The following TMPRSS4 variants were observed in gnomAD, a reference collection of about 807,000 sequenced individuals.
TMPRSS4 encodes transmembrane protease serine 4.
TMPRSS4 carries 45 observed loss-of-function variants against 56.4 expected under a neutral mutation model. The observed-to-expected ratio is 0.80, with a 90% CI of 0.63 to 1.02. The LOEUF is 1.02. Among genes scored for constraint, TMPRSS4 ranks in the 50% least tolerant of loss-of-function variants. The pLI is 0.00. For missense variants in TMPRSS4, 546 were observed against 556.7 expected (o/e 0.98, Z 0.19); for synonymous variants, 205 against 211.0 (o/e 0.97, Z 0.25).
In TMPRSS4 at chr11:118,103,130, C is replaced by G; in HGVS notation, c.187C>G (p.Leu63Val). ...IKVILDKYYF[L>V]CGQPLHFIPR... ...GGTGATTCTGGATAAATACTACTTC[C>G]TCTGCGGGCAGCCTCTCCACTTCAT... Residue 63 changes from leucine to valine, a missense_variant, in exon 4 of 13, where the codon CTC becomes GTC. Coordinates refer to ENST00000437212, the MANE Select transcript of TMPRSS4 (RefSeq NM_019894.4). 6.2e-7 allele frequency: 1 copy of G among 1,614,236 alleles called. No individual in the cohort carries two copies. Among genetic ancestry groups the G allele is most frequent in the Non-Finnish European group, 8.5e-7 (1 of 1,180,050 alleles).
At chr11:118,090,147 C>T (rs1035304475) in intron 1 of TMPRSS4, among the ~76,000 whole-genome samples, 2 of 152,150 alleles carry the variant, frequency 1.3e-5, no homozygotes, top group Non-Finnish European at 2.9e-5. Flanking sequence ...TGGCCCCATC[C>T]ATATTATTTT....
rs542116082 is a variant in TMPRSS4 at position 118,112,666 on chromosome 11, T to C, written c.744-603T>C. Among the ~76,000 whole-genome samples the C allele has an allele frequency of 2.0e-5, 3 of 152,202 alleles. No individual in the cohort carries two copies. The South Asian group carries it at 6.2e-4, about 32-fold the overall frequency. ...CCTCAGCCTCCCAAACTGCTGGGATTACAGGCATGAGCCAGGGCATCCGGC... is the reference window on the plus strand; with the variant it reads ...CCTCAGCCTCCCAAACTGCTGGGATCACAGGCATGAGCCAGGGCATCCGGC... On this transcript the variant is annotated intron_variant, in intron 8 of 12. Coordinates refer to ENST00000437212, the MANE Select transcript of TMPRSS4 (RefSeq NM_019894.4).
At position 118,104,675 on chromosome 11, in the gene TMPRSS4, G is replaced by A. The variant is rs367614446; in HGVS notation, c.311-16G>A. ...GGGCCCCCCGTTCCATCTAACTCAG[G>A]TTCCTTTCCTCCCAGTCCGCCTCTC... is the stretch of plus-strand genomic sequence containing the variant. On this transcript the variant is annotated splice_polypyrimidine_tract_variant and intron_variant, in intron 4 of 12. Coordinates refer to ENST00000437212, the MANE Select transcript of TMPRSS4 (RefSeq NM_019894.4). The A allele has an allele frequency of 5.0e-6, 8 of 1,613,970 alleles. No individual in the cohort carries two copies. The highest frequency in any genetic ancestry group is 5.9e-6 in the Non-Finnish European group (7 of 1,180,004).
At chr11:118,108,161 G>T (rs1947094386) in intron 6 of TMPRSS4, 1 of 309,470 alleles carries the variant, frequency 3.2e-6, no homozygotes, top group Non-Finnish European at 6.0e-6. Context: ...AATCTGGATA[G>T]TAAATAGTTT....
chr11:118,107,685 C>T (rs902659062), intron 5 of TMPRSS4, 89 bp from the exon 6 acceptor site: 1 of 1,124,310 alleles, frequency 8.9e-7, no homozygotes, highest in Non-Finnish European at 1.3e-6. Flanking sequence ...CTCTGCCACT[C>T]TTTCTCCTGA....
At position 118,118,116 on chromosome 11, in the gene TMPRSS4, C is replaced by T. The variant is rs1343793142; in HGVS notation, c.*203C>T. ...AGGCGCCCAGAGGAAGTCAGCAGCC[C>T]TAGCTCGGCCACACTTGGTGCTCCC... is the stretch of plus-strand genomic sequence containing the variant. On this transcript the variant is annotated 3_prime_UTR_variant, in exon 13 of 13. Transcript: ENST00000437212. 7.0e-7 allele frequency: 1 copy of T among 1,429,338 alleles called. No individual in the cohort carries two copies. The highest frequency in any genetic ancestry group is 9.1e-7 in the Non-Finnish European group (1 of 1,096,696). The allele number at this position is 1,429,338 out of a possible 1,614,324, so 88.5% of individuals were successfully genotyped here. A position where few individuals can be genotyped will look rare whatever the true frequency, so the allele number is the denominator to read the frequency against.
Position 118,117,883 on chromosome 11 carries a change from T to C in TMPRSS4, c.1303-19T>C. On this transcript the variant is annotated intron_variant, in intron 12 of 12. Transcript: ENST00000437212. ...TTCAGATAATCTGACTTTCTCTTCATCGGTCTCTCTTATTCTAGGCTGAGC... is the reference window on the plus strand; with the variant it reads ...TTCAGATAATCTGACTTTCTCTTCACCGGTCTCTCTTATTCTAGGCTGAGC... The C allele has an allele frequency of 6.2e-7, 1 of 1,613,952 alleles. No individual in the cohort carries two copies. The highest frequency in any genetic ancestry group is 8.5e-7 in the Non-Finnish European group (1 of 1,180,038).
In TMPRSS4 at chr11:118,092,810, C is replaced by T. The variant is rs75603447; in HGVS notation, c.4-2006C>T. 7.8e-3 allele frequency among the ~76,000 whole-genome samples: 1,183 copies of T among 152,248 alleles called. 17 individuals carry two copies. The highest frequency in any genetic ancestry group is 0.027 in the African/African-American group (1,140 of 41,564). On this transcript the variant is annotated intron_variant, in intron 1 of 12. Transcript: ENST00000437212. ...GCAAGATGGAGTCGCTAAGTTAGAT[C>T]TCTTTCACTGTCTCAGTCATCATTT...
intron 9 of TMPRSS4, among the ~76,000 whole-genome samples, chr11:118,114,208 A>T (rs1947426360): frequency 6.6e-6 from 1 of 152,222 alleles, no homozygotes; most frequent in Non-Finnish European, 1.5e-5. Flanking sequence ...AGAGAGCTTA[A>T]CTGCCAGGCT....
chr11:118,077,346 G>A (rs765968624), intron 1 of TMPRSS4, 41 bp downstream of exon 1: 21 of 1,576,852 alleles, frequency 1.3e-5, no homozygotes, highest in Admixed American at 1.8e-5. Flanking sequence ...CAGGAAGGGT[G>A]GGTCTCCCCA....
chr11:118,099,007 C>G lies in TMPRSS4; in HGVS notation c.66C>G (p.Pro22=). The change falls in exon 3 of 13, where the codon CCC becomes CCG. Residue 22 remains proline (P), a synonymous_variant. Coordinates refer to ENST00000437212, the MANE Select transcript of TMPRSS4 (RefSeq NM_019894.4). ...NSLDVKPLRK[P]RIPMETFRKV... ...CAGATGTCAAACCCCTGCGCAAACC[C>G]CGTATCCCCATGGAGACCTTCAGAA... 1 of 1,613,884 alleles carries G rather than the reference C, an allele frequency of 6.2e-7. No homozygotes were observed. The highest frequency in any genetic ancestry group is 8.5e-7 in the Non-Finnish European group (1 of 1,179,880).
intron 5 of TMPRSS4, among the ~76,000 whole-genome samples, chr11:118,105,240 C>T (rs1946931450): frequency 6.6e-6 from 1 of 152,140 alleles, no homozygotes; most frequent in Non-Finnish European, 1.5e-5. Context: ...TAAGATTTAG[C>T]TTAAGTGAGC....
At chr11:118,115,326 G>T (rs1475001403) in intron 11 of TMPRSS4, 46 bp downstream of exon 11, 5 of 1,591,478 alleles carry the variant, frequency 3.1e-6, no homozygotes, top group Non-Finnish European at 4.3e-6. Context: ...TAGGGTTTAG[G>T]TCCTAGAGAG....
At chr11:118,109,786 C>G (rs189400474) in intron 7 of TMPRSS4, among the ~76,000 whole-genome samples, 1 of 152,336 alleles carries the variant, frequency 6.6e-6, no homozygotes, top group Admixed American at 6.5e-5. Flanking sequence ...AGTGTATATG[C>G]TTTCCTGCAG....
intron 1 of TMPRSS4, among the ~76,000 whole-genome samples, chr11:118,081,162 A>G (rs1260391985): frequency 1.3e-5 from 2 of 152,212 alleles, no homozygotes; most frequent in African/African-American, 2.4e-5. Flanking sequence ...AGAATCCCCT[A>G]TAACCAATTT....
chr11:118,100,985 G>T (rs1416764474), intron 3 of TMPRSS4, among the ~76,000 whole-genome samples: 1 of 152,140 alleles, frequency 6.6e-6, no homozygotes, highest in Admixed American at 6.5e-5. Context: ...GTCCCAGGAG[G>T]CTGGAGTGAC....
chr11:118,079,215 G>A (rs1041873550), intron 1 of TMPRSS4, among the ~76,000 whole-genome samples: 14 of 152,114 alleles, frequency 9.2e-5, no homozygotes, highest in African/African-American at 3.4e-4. Flanking sequence ...CTGTCATTAA[G>A]CCTGTGCTTA....
intron 1 of TMPRSS4, among the ~76,000 whole-genome samples, chr11:118,083,423 G>A (rs776222470): frequency 1.4e-4 from 21 of 152,082 alleles, no homozygotes; most frequent in Non-Finnish European, 2.6e-4. Context: ...CCCCAGATGC[G>A]CTTAGTCCAC....
intron 1 of TMPRSS4, among the ~76,000 whole-genome samples, chr11:118,082,836 C>T (rs1248155702): frequency 6.6e-6 from 1 of 152,194 alleles, no homozygotes; most frequent in Non-Finnish European, 1.5e-5. Context: ...AGAGAAATTT[C>T]AGGCTGAGAG....
Sources: gnomAD v4.1 joint callset for allele counts (sites outside exome capture counted in the v4.1 genomes callset) on GRCh38, gnomAD v4.1.1 for gene constraint, MANE v1.5 for transcripts, NCBI Gene and HGNC (gene_info 2026-07-23, HGNC 2026-07-21) for gene names.